Variants in PCDH15 observed in about 807,000 individuals in gnomAD.
The protein encoded by PCDH15 is protocadherin-15.
Under a neutral mutation model 178.5 loss-of-function variants are expected in PCDH15, and 129 were observed. The observed-to-expected ratio is 0.72, with a 90% CI of 0.63 to 0.84. The LOEUF (loss-of-function observed/expected upper bound fraction) is 0.84. Ranked by LOEUF, PCDH15 falls within the 40% of genes least tolerant of loss-of-function variation. The probability of loss-of-function intolerance (pLI) is 0.00; values close to 1 mark genes in which losing one functional copy is unlikely to be tolerated. For synonymous variants in PCDH15, 800 were observed against 732.0 expected, an observed-to-expected ratio of 1.09 and a Z score of -1.50; for missense variants, 2,230 against 2,099.9, an observed-to-expected ratio of 1.06 and a Z score of -1.21.
At chr10:54,659,397 T>C (rs2094456096) in intron 2 of PCDH15, among the ~76,000 whole-genome samples, 1 of 152,148 alleles carries the variant, frequency 6.6e-6, no homozygotes, top group South Asian at 2.1e-4. Flanking sequence ...CAAGTCTCAA[T>C]AATTTCAAAA....
intron 2 of PCDH15, among the ~76,000 whole-genome samples, chr10:55,329,301 T>C (rs1380042825): frequency 1.3e-5 from 2 of 151,672 alleles, no homozygotes; most frequent in Non-Finnish European, 1.5e-5. Flanking sequence ...AAAGGCTACA[T>C]GTATTGTGAG....
intron 2 of PCDH15, among the ~76,000 whole-genome samples, chr10:55,530,098 CTATT>C (rs1319876912): frequency 6.6e-6 from 1 of 151,698 alleles, no homozygotes; most frequent in Non-Finnish European, 1.5e-5. Flanking sequence ...TCTTATTTCA[CTATT>C]TGTGTATAAT....
At chr10:54,783,663 C>A (rs1225929832) in intron 1 of PCDH15, among the ~76,000 whole-genome samples, 1 of 151,922 alleles carries the variant, frequency 6.6e-6, no homozygotes, top group African/African-American at 2.4e-5. Flanking sequence ...TAGATTCAAC[C>A]CAGAGGGTTT....
chr10:54,075,148 C>A (rs1466576109), intron 17 of PCDH15, among the ~76,000 whole-genome samples: 5 of 152,018 alleles, frequency 3.3e-5, no homozygotes, highest in Non-Finnish European at 5.9e-5. Context: ...GAGGCTGAGG[C>A]AGGCAGATCA....
chr10:55,509,037 G>A (rs1207391840), intron 2 of PCDH15, among the ~76,000 whole-genome samples: 1 of 151,718 alleles, frequency 6.6e-6, no homozygotes, highest in Non-Finnish European at 1.5e-5. Flanking sequence ...ATATACTATT[G>A]TGTTAGTAAC....
At chr10:54,150,266 C>G (rs1468887031) in intron 14 of PCDH15, among the ~76,000 whole-genome samples, 4 of 151,994 alleles carry the variant, frequency 2.6e-5, no homozygotes, top group Non-Finnish European at 5.9e-5. Flanking sequence ...AGGAGGAAAT[C>G]TAGTTTAAAA....
intron 11 of PCDH15, 72 bp downstream of exon 11, chr10:54,195,609 CTT>C: frequency 7.8e-7 from 1 of 1,279,130 alleles, no homozygotes; most frequent in Non-Finnish European, 1.1e-6. Flanking sequence ...GTAGCCATAT[CTT>C]TGTCATATTT....
intron 2 of PCDH15, among the ~76,000 whole-genome samples, chr10:55,054,172 A>G (rs1591862546): frequency 6.6e-6 from 1 of 151,962 alleles, no homozygotes; most frequent in Non-Finnish European, 1.5e-5. Context: ...GTTTTGATGT[A>G]CCTTCCACCC....
Position 53,806,163 on chromosome 10 carries a change from T to TCTTA in PCDH15, c.*412_*415dup, listed in dbSNP as rs569905861. ...ATAAACTCATTGCCTGTAAATATCC[T>TCTTA]CTTACTTCTTTTTTGCCCTTTTGGC... is the stretch of plus-strand genomic sequence containing the variant. On this transcript the variant is annotated 3_prime_UTR_variant, in exon 38 of 38. Transcript: ENST00000644397. 1.2e-5 allele frequency: 2 copies of TCTTA among 173,096 alleles called. No individual in the cohort carries two copies. The highest frequency in any genetic ancestry group is 4.8e-5 in the African/African-American group (2 of 41,566). The allele number at this position is 173,096 out of a possible 1,614,324, so 10.7% of individuals were successfully genotyped here.
chr10:53,833,430 C>CT (rs1316049065), intron 29 of PCDH15, among the ~76,000 whole-genome samples: 2 of 152,058 alleles, frequency 1.3e-5, no homozygotes, highest in Non-Finnish European at 2.9e-5. Context: ...TCTTTCTTTA[C>CT]TTTGTGTATT....
chr10:54,144,922 A>G (rs1037016237), intron 14 of PCDH15, among the ~76,000 whole-genome samples: 24 of 152,286 alleles, frequency 1.6e-4, no homozygotes, highest in African/African-American at 5.3e-4. Flanking sequence ...GTCCTACAAG[A>G]ACAAATATGT....
intron 2 of PCDH15, among the ~76,000 whole-genome samples, chr10:55,118,813 G>T (rs1564812794): frequency 1.3e-5 from 2 of 152,338 alleles, no homozygotes; most frequent in South Asian, 2.1e-4. Context: ...TGTGAGAGGA[G>T]CTGGTTCAGT....
intron 1 of PCDH15, among the ~76,000 whole-genome samples, chr10:55,260,685 T>A (rs1318043232): frequency 6.6e-6 from 1 of 152,186 alleles, no homozygotes; most frequent in African/African-American, 2.4e-5. Context: ...TATTACAGGA[T>A]GTTAAAGTCA....
intron 5 of PCDH15, among the ~76,000 whole-genome samples, chr10:54,359,512 T>G (rs1431170568): frequency 6.6e-6 from 1 of 151,978 alleles, no homozygotes; most frequent in East Asian, 1.9e-4. Context: ...CCATTTCCAT[T>G]ACCATTTTCA....
Position 54,827,981 on chromosome 10 carries a change from T to A in PCDH15, c.-29+69469A>T, listed in dbSNP as rs186680052. On this transcript the variant is annotated intron_variant, in intron 3 of 5. Transcript: ENST00000458638. The stretch of plus-strand genomic sequence containing the variant: ...TTACATTATATACATAGATATGCAA[T>A]CTTATGCTATATACAAACACATATT... 3.3e-5 allele frequency among the ~76,000 whole-genome samples: 5 copies of A among 152,190 alleles called. No individual in the cohort carries two copies. The East Asian group carries it at 9.6e-4, about 29-fold the overall frequency.
intron 3 of PCDH15, among the ~76,000 whole-genome samples, chr10:54,445,519 T>A (rs1469499252): frequency 1.3e-5 from 2 of 151,580 alleles, no homozygotes; most frequent in Non-Finnish European, 3.0e-5. Context: ...AAAAAATATG[T>A]CATCATTACT....
At chr10:55,600,069 A>C in intron 2 of PCDH15, 1 of 882,864 alleles carries the variant, frequency 1.1e-6, no homozygotes, top group Non-Finnish European at 1.6e-6. Flanking sequence ...TGCATTAAAA[A>C]TTTTGGTTGG....
chr10:55,610,430 C>A (rs1843343320), intron 2 of PCDH15, among the ~76,000 whole-genome samples: 1 of 152,024 alleles, frequency 6.6e-6, no homozygotes, highest in Admixed American at 6.6e-5. Context: ...CTTAGCTTTG[C>A]TTTGACTCAT....
chr10:54,857,119 C>T (rs967355766), intron 3 of PCDH15, among the ~76,000 whole-genome samples: 1 of 152,122 alleles, frequency 6.6e-6, no homozygotes, highest in Non-Finnish European at 1.5e-5. Context: ...TGCCTCAATA[C>T]TGTGGGTTTA....
Sources: allele counts gnomAD v4.1 joint callset (sites outside exome capture counted in the v4.1 genomes callset), GRCh38; gene constraint gnomAD v4.1.1; transcripts MANE v1.5; gene names NCBI Gene and HGNC (gene_info 2026-07-23, HGNC 2026-07-21).